Variants in GRIK1 observed in about 807,000 individuals in gnomAD.
The protein encoded by GRIK1 is glutamate receptor ionotropic, kainate 1.
In GRIK1, 69 loss-of-function variants were observed where a neutral mutation model predicts 105.7. The ratio of observed to expected loss-of-function variants is 0.65; its 90% CI spans 0.54 to 0.80. The LOEUF is 0.80. Ranked by LOEUF, GRIK1 falls within the 30% of genes least tolerant of loss-of-function variation. GRIK1 has a pLI of 0.00. For missense variants in GRIK1, 1,109 were observed against 1,167.3 expected (o/e 0.95, Z 0.73); for synonymous variants, 438 against 431.3 (o/e 1.02, Z -0.19).
At chr21:29,564,128 A>T in intron 14 of GRIK1, among the ~76,000 whole-genome samples, 1 of 152,288 alleles carries the variant, frequency 6.6e-6, no homozygotes, top group South Asian at 2.1e-4. Context: ...GAAACATTAA[A>T]TTTTTTCACC....
intron 1 of GRIK1, among the ~76,000 whole-genome samples, chr21:29,879,363 G>A (rs955126032): frequency 6.6e-6 from 1 of 152,054 alleles, no homozygotes; most frequent in African/African-American, 2.4e-5. Flanking sequence ...AAAGAGTAAA[G>A]AGGGAGCTGT....
intron 1 of GRIK1, among the ~76,000 whole-genome samples, chr21:29,741,054 T>G (rs569008078): frequency 2.8e-4 from 42 of 152,340 alleles, no homozygotes; most frequent in African/African-American, 9.9e-4. Context: ...TACTCAATCC[T>G]CAGACACCTG....
At chr21:29,683,733 G>C (rs1019323973) in intron 3 of GRIK1, among the ~76,000 whole-genome samples, 7 of 152,168 alleles carry the variant, frequency 4.6e-5, no homozygotes, top group Admixed American at 2.0e-4. Context: ...ATATACCCAT[G>C]CAACGACCTT....
chr21:29,913,002 A>C (rs2070871585), intron 1 of GRIK1, among the ~76,000 whole-genome samples: 2 of 152,144 alleles, frequency 1.3e-5, no homozygotes, highest in Admixed American at 1.3e-4. Flanking sequence ...TATTCATTAC[A>C]TGACGTACTT....
chr21:29,890,195 C>T (rs1314993587), intron 1 of GRIK1, among the ~76,000 whole-genome samples: 1 of 152,094 alleles, frequency 6.6e-6, no homozygotes, highest in Admixed American at 6.6e-5. Context: ...ACACCATAGG[C>T]TCTAGATTAA....
At position 29,581,440 on chromosome 21, in the gene GRIK1, C is replaced by A. The variant is rs1443034275; in HGVS notation, c.1897G>T (p.Ala633Ser). 5 of 1,607,632 alleles carry A rather than the reference C, an allele frequency of 3.1e-6. No individual in the cohort carries two copies. The South Asian group carries it at 5.5e-5, about 18-fold the overall frequency. The change falls in exon 13 of 18, where the codon GCT becomes TCT. Residue 633 changes from alanine to serine, a missense_variant. Coordinates refer to ENST00000327783, the MANE Select transcript of GRIK1 (RefSeq NM_001330994.2). ...LLNSFWFGVG[A>S]LMQQGSELMP... ...ACCGGTGTACCTTGCTGCATGAGAG[C>A]TCCAACTCCAAACCAGAAACTATTT...
At chr21:29,791,328 A>G (rs886195484) in intron 1 of GRIK1, among the ~76,000 whole-genome samples, 3 of 152,150 alleles carry the variant, frequency 2.0e-5, no homozygotes, top group African/African-American at 4.8e-5. Flanking sequence ...GAGGAAAAAA[A>G]AAGGAGGGAA....
chr21:29,756,645 T>A lies in GRIK1; in HGVS notation c.119-62582A>T, dbSNP rs141281370. Among the ~76,000 whole-genome samples, 1,391 of 151,946 alleles carry A rather than the reference T, an allele frequency of 9.2e-3. 20 individuals are homozygous for A. The highest frequency in any genetic ancestry group is 0.032 in the African/African-American group (1,329 of 41,404). The stretch of plus-strand genomic sequence containing the variant: ...GAATACCAGGATGGAAATAACTTGT[T>A]TCCTGGCATTCAAGACAGAGGAAAT... On this transcript the variant is annotated intron_variant, in intron 1 of 17. Transcript: ENST00000327783.
intron 1 of GRIK1, among the ~76,000 whole-genome samples, chr21:29,720,789 T>C (rs1326487928): frequency 1.3e-5 from 2 of 152,140 alleles, no homozygotes; most frequent in Admixed American, 6.6e-5. Context: ...TTACAAGGTT[T>C]CCATCCTTAT....
At chr21:29,675,552 A>T (rs1234902164) in intron 3 of GRIK1, among the ~76,000 whole-genome samples, 2 of 152,138 alleles carry the variant, frequency 1.3e-5, no homozygotes, top group African/African-American at 4.8e-5. Flanking sequence ...TTTAAAGTTG[A>T]CATATATTTT....
At chr21:29,863,459 A>G (rs1264100520) in intron 1 of GRIK1, among the ~76,000 whole-genome samples, 2 of 152,180 alleles carry the variant, frequency 1.3e-5, no homozygotes, top group African/African-American at 4.8e-5. Context: ...AGATTACTAG[A>G]TTCCCAAACC....
At chr21:29,590,241 G>A (rs557427284) in intron 10 of GRIK1, among the ~76,000 whole-genome samples, 8 of 152,302 alleles carry the variant, frequency 5.3e-5, no homozygotes, top group Admixed American at 5.2e-4. Flanking sequence ...AACCAGAAGA[G>A]CAAACCAGTT....
intron 1 of GRIK1, among the ~76,000 whole-genome samples, chr21:29,824,796 G>T (rs370521076): frequency 6.6e-5 from 10 of 151,954 alleles, no homozygotes; most frequent in African/African-American, 1.9e-4. Context: ...ACTATGGAGG[G>T]TCATAAGAAG....
intron 4 of GRIK1, among the ~76,000 whole-genome samples, chr21:29,670,363 A>G (rs1401463920): frequency 6.6e-6 from 1 of 152,212 alleles, no homozygotes; most frequent in African/African-American, 2.4e-5. Flanking sequence ...TGTACCAGCT[A>G]GACATTTCTT....
At chr21:29,698,610 A>C (rs995518457) in intron 1 of GRIK1, among the ~76,000 whole-genome samples, 14 of 151,544 alleles carry the variant, frequency 9.2e-5, no homozygotes, top group Admixed American at 7.9e-4. Flanking sequence ...CTATTTTTTT[A>C]TCATGTCTAT....
At chr21:29,933,651 C>G (rs1169172117) in intron 1 of GRIK1, among the ~76,000 whole-genome samples, 1 of 152,046 alleles carries the variant, frequency 6.6e-6, no homozygotes, top group African/African-American at 2.4e-5. Flanking sequence ...TTATCTTCCT[C>G]AAGACTGAAG....
chr21:29,661,652 T>A (rs952524753), intron 4 of GRIK1, among the ~76,000 whole-genome samples: 2 of 152,214 alleles, frequency 1.3e-5, no homozygotes, highest in Admixed American at 6.5e-5. Flanking sequence ...AACAAATATA[T>A]TGTTAAAGCC....
At chr21:29,844,908 G>C (rs1225114443) in intron 1 of GRIK1, among the ~76,000 whole-genome samples, 1 of 151,906 alleles carries the variant, frequency 6.6e-6, no homozygotes, top group Non-Finnish European at 1.5e-5. Flanking sequence ...CAGAACACTT[G>C]TCTATACCAG....
At chr21:29,903,374 A>G (rs926380210) in intron 1 of GRIK1, among the ~76,000 whole-genome samples, 8 of 152,216 alleles carry the variant, frequency 5.3e-5, no homozygotes, top group Non-Finnish European at 1.2e-4. Context: ...AATTTTTTCA[A>G]TCTATCCATC....
Sources: allele counts gnomAD v4.1 joint callset (sites outside exome capture counted in the v4.1 genomes callset), GRCh38; gene constraint gnomAD v4.1.1; transcripts MANE v1.5; gene names NCBI Gene and HGNC (gene_info 2026-07-23, HGNC 2026-07-21).